VPS13B: variants seen among roughly 807,000 people sequenced by gnomAD.
VPS13B encodes intermembrane lipid transfer protein VPS13B.
In VPS13B, 285 loss-of-function variants were observed where a neutral mutation model predicts 426.4. That is an observed-to-expected ratio of 0.67 (90% CI 0.61 to 0.74). VPS13B has a LOEUF of 0.74. Among genes scored for constraint, VPS13B ranks in the 30% least tolerant of loss-of-function variants. The pLI, the probability that VPS13B is intolerant of heterozygous loss-of-function variation, is 0.00. For synonymous variants in VPS13B, 1,676 were observed against 1,676.4 expected, an observed-to-expected ratio of 1.00 and a Z score of 0.01; for missense variants, 4,537 against 4,782.6, an observed-to-expected ratio of 0.95 and a Z score of 1.51.
At chr8:99,754,975 G>A (rs897591086) in intron 39 of VPS13B, among the ~76,000 whole-genome samples, 2 of 152,142 alleles carry the variant, frequency 1.3e-5, no homozygotes, top group Admixed American at 6.5e-5. Flanking sequence ...GCTTGAGGCA[G>A]TGGGAACCAG....
At chr8:99,871,107 C>T (rs1299076655) in intron 60 of VPS13B, 8 of 615,380 alleles carry the variant, frequency 1.3e-5, no homozygotes, top group African/African-American at 3.7e-5. Flanking sequence ...CCGTACCTAA[C>T]CACTCAAGGA....
intron 17 of VPS13B, among the ~76,000 whole-genome samples, chr8:99,209,290 AAC>A (rs1814923020): frequency 3.3e-5 from 5 of 150,474 alleles, no homozygotes; most frequent in Non-Finnish European, 3.0e-5. Context: ...TCAAAAAAAA[AAC>A]AAAACAAAAA....
chr8:99,578,815 T>C (rs1346628597), intron 33 of VPS13B, among the ~76,000 whole-genome samples: 1 of 152,186 alleles, frequency 6.6e-6, no homozygotes, highest in Non-Finnish European at 1.5e-5. Context: ...CTCAGATCAC[T>C]GATTGTTTTA....
At chr8:99,777,374 GAGGAGC>G (rs1811793471) in intron 41 of VPS13B, among the ~76,000 whole-genome samples, 1 of 152,188 alleles carries the variant, frequency 6.6e-6, no homozygotes, top group African/African-American at 2.4e-5. Flanking sequence ...GGAAGGCAAG[GAGGAGC>G]AGGTCACGTC....
At chr8:99,744,610 C>G (rs1378643937) in intron 39 of VPS13B, among the ~76,000 whole-genome samples, 1 of 152,126 alleles carries the variant, frequency 6.6e-6, no homozygotes, top group Non-Finnish European at 1.5e-5. Context: ...GAAAATGTGG[C>G]ACGTATACAC....
At chr8:99,038,022 C>T (rs975483398) in intron 2 of VPS13B, among the ~76,000 whole-genome samples, 2 of 151,956 alleles carry the variant, frequency 1.3e-5, no homozygotes, top group Admixed American at 1.3e-4. Flanking sequence ...AGTACTGCTG[C>T]TATATACTGT....
chr8:99,056,054 TTTTG>T (rs1031532520), intron 3 of VPS13B, among the ~76,000 whole-genome samples: 4 of 151,684 alleles, frequency 2.6e-5, no homozygotes, highest in Non-Finnish European at 5.9e-5. Context: ...AGTTGATCTT[TTTTG>T]TTTGTTTGTT....
In VPS13B at chr8:99,871,566, G is replaced by A. The variant is rs574447837; in HGVS notation, c.11614G>A (p.Val3872Met). Reference protein sequence around the residue: ...CLLLTSEVLFVVSVSEDTQQQ... With the variant: ...CLLLTSEVLFMVSVSEDTQQQ... The stretch of plus-strand genomic sequence containing the variant: ...GCTGCTGACATCAGAAGTGCTCTTC[G>A]TGGTGAGTGTCAGTGAGGACACACA... Residue 3872 changes from valine to methionine, a missense_variant, in exon 61 of 62, where the codon GTG becomes ATG. Val to Met is a conservative substitution (Grantham distance 21). Around this residue, in one of 2 missense-constraint regions of VPS13B, gnomAD observed 4,311 missense variants for 4,474.3 expected, o/e 0.96. Transcript: ENST00000357162. The A allele has an allele frequency of 2.0e-5, 33 of 1,614,212 alleles. No homozygotes were observed. The highest frequency in any genetic ancestry group is 2.3e-5 in the Non-Finnish European group (27 of 1,180,044).
chr8:99,851,396 T>G (rs1816287763), intron 55 of VPS13B, among the ~76,000 whole-genome samples: 1 of 151,908 alleles, frequency 6.6e-6, no homozygotes, highest in Non-Finnish European at 1.5e-5. Flanking sequence ...GTGTAGAGAG[T>G]AAACCTAAAA....
At chr8:99,810,669 C>T (rs1437934628) in intron 44 of VPS13B, among the ~76,000 whole-genome samples, 1 of 152,150 alleles carries the variant, frequency 6.6e-6, no homozygotes, top group Non-Finnish European at 1.5e-5. Context: ...TAAAGTGGAA[C>T]AAAGTAAAAT....
At chr8:99,169,875 CAAA>C (rs1429426764) in intron 15 of VPS13B, among the ~76,000 whole-genome samples, 161 bp from the exon 16 acceptor site, 6 of 152,070 alleles carry the variant, frequency 3.9e-5, no homozygotes, top group African/African-American at 1.4e-4. Context: ...GACCTACTGT[CAAA>C]TTGTATAGAA....
At chr8:99,432,277 A>T (rs1588373330) in intron 22 of VPS13B, among the ~76,000 whole-genome samples, 1 of 152,132 alleles carries the variant, frequency 6.6e-6, no homozygotes, top group East Asian at 1.9e-4. Context: ...GATACCAGAG[A>T]CATCCTTATA....
At chr8:99,316,224 G>C (rs906320487) in intron 19 of VPS13B, among the ~76,000 whole-genome samples, 1 of 152,170 alleles carries the variant, frequency 6.6e-6, no homozygotes, top group Non-Finnish European at 1.5e-5. Flanking sequence ...CAGTTGCTTT[G>C]CTACTTGGAG....
intron 31 of VPS13B, among the ~76,000 whole-genome samples, chr8:99,562,302 A>G (rs964715643): frequency 2.9e-5 from 4 of 138,308 alleles, no homozygotes; most frequent in African/African-American, 1.1e-4. Context: ...CTTTTTTGAG[A>G]CAGAGTCTTG....
At chr8:99,622,269 T>C (rs1442111786) in intron 33 of VPS13B, among the ~76,000 whole-genome samples, 1 of 152,208 alleles carries the variant, frequency 6.6e-6, no homozygotes, top group African/African-American at 2.4e-5. Flanking sequence ...CCAGTTTATG[T>C]TGTCAGTGAG....
chr8:99,158,449 C>T (rs1168318530), intron 15 of VPS13B, among the ~76,000 whole-genome samples: 1 of 152,122 alleles, frequency 6.6e-6, no homozygotes, highest in Admixed American at 6.5e-5. Flanking sequence ...AGGAGAATCG[C>T]CTGAACCCGG....
At chr8:99,461,232 A>C (rs1245643967) in intron 23 of VPS13B, among the ~76,000 whole-genome samples, 2 of 152,126 alleles carry the variant, frequency 1.3e-5, no homozygotes, top group Non-Finnish European at 2.9e-5. Flanking sequence ...ATTACGAGTA[A>C]GGAAATGCAA....
intron 43 of VPS13B, among the ~76,000 whole-genome samples, chr8:99,803,552 T>C (rs909347178): frequency 2.7e-4 from 41 of 152,360 alleles, no homozygotes; most frequent in African/African-American, 9.4e-4. Flanking sequence ...TGGGAAATTA[T>C]ATTCTATAAA....
intron 39 of VPS13B, among the ~76,000 whole-genome samples, chr8:99,740,888 A>G (rs908816549): frequency 2.0e-5 from 3 of 152,068 alleles, no homozygotes; most frequent in African/African-American, 7.3e-5. Flanking sequence ...TGTAAAGACC[A>G]TCGAGGCTAG....
Sources: gnomAD v4.1 joint callset for allele counts (sites outside exome capture counted in the v4.1 genomes callset) on GRCh38, gnomAD v4.1.1 for gene constraint, gnomAD v4.1.1 regional missense constraint, MANE v1.5 for transcripts, NCBI Gene and HGNC (gene_info 2026-07-23, HGNC 2026-07-21) for gene names.